SCAI: variants seen among roughly 807,000 people sequenced by gnomAD.
SCAI encodes the protein suppressor of cancer cell invasion.
In SCAI, 24 loss-of-function variants were observed where a neutral mutation model predicts 92.2. That is an observed-to-expected ratio of 0.26 (90% CI 0.19 to 0.37). SCAI has a LOEUF of 0.37. SCAI is among the 10% of genes least tolerant of loss of function. SCAI has a pLI of 1.00. For synonymous variants in SCAI, 261 were observed against 258.6 expected, an observed-to-expected ratio of 1.01 and a Z score of -0.09; for missense variants, 450 against 736.2, an observed-to-expected ratio of 0.61 and a Z score of 4.50.
intron 12 of SCAI, 126 bp downstream of exon 12, chr9:125,001,839 C>T: frequency 3.4e-6 from 2 of 596,422 alleles, no homozygotes; most frequent in Non-Finnish European, 6.0e-6. Flanking sequence ...AACAAATAGA[C>T]CAGGTTTCAA....
At chr9:125,137,139 T>G (rs570781258) in intron 2 of SCAI, among the ~76,000 whole-genome samples, 3 of 152,168 alleles carry the variant, frequency 2.0e-5, no homozygotes, top group Non-Finnish European at 4.4e-5. Context: ...ACTGTACATT[T>G]TGTTTTCTAG....
At chr9:125,045,107 A>G (rs1262171458) in intron 3 of SCAI, among the ~76,000 whole-genome samples, 23 of 152,224 alleles carry the variant, frequency 1.5e-4, no homozygotes, top group Non-Finnish European at 1.5e-5. Context: ...AGTAGCGGGA[A>G]CAAGCCCAGT....
chr9:125,078,222 T>C (rs1018868499), intron 2 of SCAI, among the ~76,000 whole-genome samples: 1 of 152,034 alleles, frequency 6.6e-6, no homozygotes, highest in Non-Finnish European at 1.5e-5. Flanking sequence ...AAATAATATA[T>C]AAACAAAAAA....
chr9:125,117,743 C>G (rs1835077108), intron 2 of SCAI, among the ~76,000 whole-genome samples: 1 of 148,358 alleles, frequency 6.7e-6, no homozygotes, highest in African/African-American at 2.5e-5. Context: ...TCATGGGCTG[C>G]TTTCATTTAT....
At chr9:125,107,847 C>T (rs1189848220) in intron 2 of SCAI, among the ~76,000 whole-genome samples, 1 of 152,208 alleles carries the variant, frequency 6.6e-6, no homozygotes, top group African/African-American at 2.4e-5. Flanking sequence ...CAGTCTCCCT[C>T]TCCCTCTCTT....
At chr9:125,070,651 G>A (rs745853940) in intron 2 of SCAI, among the ~76,000 whole-genome samples, 2 of 151,882 alleles carry the variant, frequency 1.3e-5, no homozygotes, top group South Asian at 2.1e-4. Flanking sequence ...CACCTACCTC[G>A]ACCTCCCAGC....
Position 124,944,450 on chromosome 9 carries a change from C to A in SCAI, c.*8357G>T, listed in dbSNP as rs917116414. On this transcript the variant is annotated 3_prime_UTR_variant, in exon 18 of 18. Coordinates refer to ENST00000336505, the MANE Select transcript of SCAI (RefSeq NM_001144877.3). ...AAGTAGCTGGGATTACAGGCGCACA[C>A]CACCATGCCTGGCTAATTTTTTTTT... The A allele has an allele frequency of 2.0e-5, 3 of 152,270 alleles. No homozygotes were observed. The highest frequency in any genetic ancestry group is 1.3e-4 in the Admixed American group (2 of 15,082). The allele number at this position is 152,270 out of a possible 1,614,324, so 9.4% of individuals were successfully genotyped here.
At chr9:125,116,200 A>T (rs184503220) in intron 2 of SCAI, among the ~76,000 whole-genome samples, 41 of 151,810 alleles carry the variant, frequency 2.7e-4, no homozygotes, top group Admixed American at 1.5e-3. Context: ...AAATTAATTT[A>T]AAAAAAAAGT....
At position 125,140,858 on chromosome 9, in the gene SCAI, C is replaced by CA. The variant is rs781364834; in HGVS notation, c.98+1774dup. On this transcript the variant is annotated intron_variant, in intron 2 of 17. Transcript: ENST00000336505. Reference sequence around the variant, plus strand: ...TGGATGACAGAGCCAGACCCTGTCTCAAAAAAAAAAAAAAGTATTTACTCC... The same window carrying CA: ...TGGATGACAGAGCCAGACCCTGTCTCAAAAAAAAAAAAAAAGTATTTACTCC... 1.6e-3 allele frequency among the ~76,000 whole-genome samples: 194 copies of CA among 121,800 alleles called. 1 individual carries two copies. Among genetic ancestry groups the CA allele is most frequent in the South Asian group, 4.4e-3 (17 of 3,826 alleles). The allele number at this position is 121,800 out of a possible 152,430, so 79.9% of individuals were successfully genotyped here.
intron 3 of SCAI, among the ~76,000 whole-genome samples, chr9:125,040,559 A>G (rs1342052314): frequency 6.6e-6 from 1 of 152,176 alleles, no homozygotes; most frequent in Admixed American, 6.5e-5. Context: ...TATATAATGA[A>G]CCAACTTATT....
chr9:125,001,322 G>C (rs1340058771), intron 12 of SCAI, among the ~76,000 whole-genome samples: 1 of 151,986 alleles, frequency 6.6e-6, no homozygotes, highest in Non-Finnish European at 1.5e-5. Flanking sequence ...TTTTTATTTT[G>C]CCCAGGCAAA....
chr9:125,008,054 C>T (rs1832549522), intron 9 of SCAI, among the ~76,000 whole-genome samples: 1 of 151,348 alleles, frequency 6.6e-6, no homozygotes. Context: ...ACCGTGTTAG[C>T]CAGGATGGTC....
At chr9:125,026,990 G>A (rs970772729) in intron 5 of SCAI, 80 bp from the exon 6 acceptor site, 3 of 708,750 alleles carry the variant, frequency 4.2e-6, no homozygotes, top group African/African-American at 3.6e-5. Flanking sequence ...ATATACCGCT[G>A]TATTCCTCTG....
At chr9:125,078,586 T>TC (rs1834144157) in intron 2 of SCAI, among the ~76,000 whole-genome samples, 1 of 151,866 alleles carries the variant, frequency 6.6e-6, no homozygotes, top group African/African-American at 2.4e-5. Context: ...GGTTCACCCT[T>TC]CCCCCCACCA....
chr9:124,968,301 T>C lies in SCAI; in HGVS notation c.1674+3069A>G, dbSNP rs565097776. On this transcript the variant is annotated intron_variant, in intron 17 of 17. Transcript: ENST00000336505. The stretch of plus-strand genomic sequence containing the variant: ...TTAAAACCGGGCTGGGCATCAAGCG[T>C]CTTCTCCAGAATAGGCCAAGGAAGA... 1.2e-4 allele frequency: 142 copies of C among 1,200,596 alleles called. 2 individuals are homozygous for C. In the South Asian group the frequency reaches 1.5e-3, roughly 13 times the overall value. The allele number at this position is 1,200,596 out of a possible 1,614,324, so 74.4% of individuals were successfully genotyped here.
At chr9:125,086,220 T>C (rs1255269220) in intron 2 of SCAI, among the ~76,000 whole-genome samples, 1 of 152,192 alleles carries the variant, frequency 6.6e-6, no homozygotes, top group African/African-American at 2.4e-5. Flanking sequence ...CAATAACCTC[T>C]TACTTAAAGC....
At chr9:125,123,565 A>C (rs987166713) in intron 2 of SCAI, among the ~76,000 whole-genome samples, 11 of 152,330 alleles carry the variant, frequency 7.2e-5, no homozygotes, top group South Asian at 2.1e-4. Flanking sequence ...TCACGAGGTC[A>C]GGAGATCGAG....
chr9:125,130,346 C>T (rs551942455), intron 2 of SCAI, among the ~76,000 whole-genome samples: 261 of 151,982 alleles, frequency 1.7e-3, no homozygotes, highest in African/African-American at 3.3e-3. Flanking sequence ...GCCAATTGGT[C>T]GGGGGGACAG....
At chr9:125,009,146 T>C (rs1255731942) in intron 9 of SCAI, among the ~76,000 whole-genome samples, 1 of 151,540 alleles carries the variant, frequency 6.6e-6, no homozygotes, top group Non-Finnish European at 1.5e-5. Flanking sequence ...TACATTCAAC[T>C]GAAAGAAAAT....
Sources: allele counts gnomAD v4.1 joint callset (sites outside exome capture counted in the v4.1 genomes callset), GRCh38; gene constraint gnomAD v4.1.1; transcripts MANE v1.5; gene names NCBI Gene and HGNC (gene_info 2026-07-23, HGNC 2026-07-21).